TUBGCP3: variants seen among roughly 807,000 people sequenced by gnomAD.
TUBGCP3 encodes tubulin gamma complex component 3.
TUBGCP3 carries 50 observed loss-of-function variants against 123.1 expected under a neutral mutation model. The observed-to-expected ratio is 0.41, with a 90% confidence interval of 0.32 to 0.51. The LOEUF (loss-of-function observed/expected upper bound fraction) is 0.51. Ranked by LOEUF, TUBGCP3 falls within the 20% of genes least tolerant of loss-of-function variation. The pLI is 0.36. For synonymous variants in TUBGCP3, 405 were observed against 413.9 expected, an observed-to-expected ratio of 0.98 and a Z score of 0.26; for missense variants, 882 against 1,127.0, an observed-to-expected ratio of 0.78 and a Z score of 3.11.
the TUBGCP3 span, among the ~76,000 whole-genome samples, chr13:112,594,503 G>A: frequency 2.6e-5 from 4 of 152,140 alleles, no homozygotes; most frequent in African/African-American, 2.4e-5. Context: ...TAAACCTGCA[G>A]CTATCTAAGT....
At chr13:112,520,108 T>C in intron 14 of TUBGCP3, 87 bp from the exon 15 acceptor site, 1 of 1,330,024 alleles carries the variant, frequency 7.5e-7, no homozygotes, top group Admixed American at 2.4e-5. Context: ...AAAGTAAGAG[T>C]TCAAATTATA....
In TUBGCP3 at chr13:112,541,946, A is replaced by G. The variant is rs548082389; in HGVS notation, c.1335+3753T>C. ...TAAACTTTCTCCTTTTTATAATCCT[A>G]ATTTTTAAAGATTGCCTTAAAATAT... is the stretch of plus-strand genomic sequence containing the variant. On this transcript the variant is annotated intron_variant, in intron 11 of 21. Coordinates refer to ENST00000261965, the MANE Select transcript of TUBGCP3 (RefSeq NM_006322.6). 3.3e-5 allele frequency among the ~76,000 whole-genome samples: 5 copies of G among 152,332 alleles called. No individual in the cohort carries two copies. The East Asian group carries it at 7.7e-4, about 23-fold the overall frequency.
In TUBGCP3 at chr13:112,504,132, T is replaced by A. The variant is rs1566537023; in HGVS notation, c.2207A>T (p.Asn736Ile). 6.2e-7 allele frequency: 1 copy of A among 1,614,164 alleles called. No individual in the cohort carries two copies. Among genetic ancestry groups the A allele is most frequent in the Non-Finnish European group, 8.5e-7 (1 of 1,180,030 alleles). ...VLECSWDELWNKVQQAQDLDH... is the reference protein window; with the variant it reads ...VLECSWDELWIKVQQAQDLDH... ...CAAATCCTGGGCCTGCTGGACTTTGTTCCAAAGCTCATCCCAAGAACATTC... is the reference window on the plus strand; with the variant it reads ...CAAATCCTGGGCCTGCTGGACTTTGATCCAAAGCTCATCCCAAGAACATTC... Residue 736 changes from asparagine (N) to isoleucine (I), a missense_variant, in exon 19 of 22, where the codon AAC becomes ATC. Physicochemically the swap from Asn to Ile is moderately radical, Grantham distance 149. Coordinates refer to ENST00000261965, the MANE Select transcript of TUBGCP3 (RefSeq NM_006322.6).
upstream of TUBGCP3, among the ~76,000 whole-genome samples, chr13:112,588,567 C>A (rs958316082): frequency 2.0e-5 from 3 of 152,190 alleles, no homozygotes; most frequent in African/African-American, 4.8e-5. Flanking sequence ...CAACAGGCGC[C>A]CTGCTCAGGC....
intron 18 of TUBGCP3, 31 bp from the exon 19 acceptor site, chr13:112,504,194 A>G (rs747594842): frequency 8.1e-6 from 13 of 1,613,748 alleles, no homozygotes; most frequent in South Asian, 2.2e-5. Flanking sequence ...GACGCTAGAT[A>G]AGCTCATGTC....
At chr13:112,592,021 G>A (rs1314879418), upstream of TUBGCP3, among the ~76,000 whole-genome samples, 3 of 152,276 alleles carry the variant, frequency 2.0e-5, no homozygotes, top group East Asian at 5.8e-4. This position sits in a 1 kb window ranked among gnomAD's most constrained non-coding sequence, Gnocchi z 4.1. Context: ...GTGTTACAGA[G>A]TCCTGGCTGG....
At chr13:112,499,971 A>AAAT (rs1196119144) in intron 19 of TUBGCP3, among the ~76,000 whole-genome samples, 1 of 152,236 alleles carries the variant, frequency 6.6e-6, no homozygotes. Flanking sequence ...CAAATACATT[A>AAAT]AAGCTGATGC....
intron 3 of TUBGCP3, among the ~76,000 whole-genome samples, chr13:112,559,978 C>G (rs368766767): frequency 2.9e-4 from 44 of 151,968 alleles, no homozygotes; most frequent in African/African-American, 1.0e-3. Flanking sequence ...CTACTAAAAA[C>G]ACAAAATTAG....
chr13:112,578,742 AG>A (rs1330464275), intron 1 of TUBGCP3, among the ~76,000 whole-genome samples: 1 of 152,042 alleles, frequency 6.6e-6, no homozygotes, highest in Non-Finnish European at 1.5e-5. Flanking sequence ...TCCAGAGCTC[AG>A]GGCCTTCACA....
In TUBGCP3 at chr13:112,504,121, G is replaced by A. The variant is rs1302974827; in HGVS notation, c.2218C>T (p.Gln740Ter). The A allele has an allele frequency of 6.2e-7, 1 of 1,614,154 alleles. No individual in the cohort carries two copies. Among genetic ancestry groups the A allele is most frequent in the Non-Finnish European group, 8.5e-7 (1 of 1,180,030 alleles). ...ATGATGTGATCCAAATCCTGGGCCTGCTGGACTTTGTTCCAAAGCTCATCC... is the reference window on the plus strand; with the variant it reads ...ATGATGTGATCCAAATCCTGGGCCTACTGGACTTTGTTCCAAAGCTCATCC... ...SWDELWNKVQ[Q>*]AQDLDHIIAA... Residue 740 changes from glutamine to a stop codon, truncating the protein, a stop_gained, in exon 19 of 22, where the codon CAG becomes TAG. Transcript: ENST00000261965. LOFTEE classifies it high-confidence loss of function.
At chr13:112,581,428 A>T (rs1308549801) in intron 1 of TUBGCP3, among the ~76,000 whole-genome samples, 1 of 151,918 alleles carries the variant, frequency 6.6e-6, no homozygotes, top group Non-Finnish European at 1.5e-5. Flanking sequence ...AGTTTCCTTT[A>T]AAAGTTGTGT....
At chr13:112,574,236 A>C (rs540576366) in intron 1 of TUBGCP3, among the ~76,000 whole-genome samples, 1 of 148,614 alleles carries the variant, frequency 6.7e-6, no homozygotes, top group East Asian at 2.0e-4. Flanking sequence ...ATCCACAAAG[A>C]ATCTTCAAGT....
At chr13:112,578,329 G>A (rs1157300307) in intron 1 of TUBGCP3, among the ~76,000 whole-genome samples, 5 of 151,780 alleles carry the variant, frequency 3.3e-5, no homozygotes, top group Non-Finnish European at 5.9e-5. Flanking sequence ...GGAGGCCGAG[G>A]CGGGCGGATC....
At chr13:112,570,465 G>T (rs1157987785) in intron 1 of TUBGCP3, among the ~76,000 whole-genome samples, 1 of 152,160 alleles carries the variant, frequency 6.6e-6, no homozygotes, top group Non-Finnish European at 1.5e-5. Flanking sequence ...ATATACTGTG[G>T]TCTGTTAAGT....
chr13:112,538,477 TC>T (rs1301506589), intron 11 of TUBGCP3, among the ~76,000 whole-genome samples: 1 of 152,194 alleles, frequency 6.6e-6, no homozygotes, highest in Non-Finnish European at 1.5e-5. Flanking sequence ...TCATTTTCCT[TC>T]CCTCTTTTAA....
At chr13:112,523,303 T>C (rs1274718643) in intron 13 of TUBGCP3, among the ~76,000 whole-genome samples, 2 of 152,248 alleles carry the variant, frequency 1.3e-5, no homozygotes, top group African/African-American at 4.8e-5. Flanking sequence ...CGAGATCTTC[T>C]GATTCAGAGT....
chr13:112,504,254 G>A (rs1020390876), intron 18 of TUBGCP3, 91 bp from the exon 19 acceptor site: 117 of 1,498,384 alleles, frequency 7.8e-5, no homozygotes, highest in African/African-American at 1.7e-4. Flanking sequence ...ATGGGAGGCC[G>A]AGGCGGGCAG....
At chr13:112,602,305 G>A in the TUBGCP3 span, among the ~76,000 whole-genome samples, 1 of 152,314 alleles carries the variant, frequency 6.6e-6, no homozygotes, top group Middle Eastern at 3.4e-3. Flanking sequence ...AGAAGTTAAT[G>A]AGTTTCCGGA....
At chr13:112,540,212 T>C (rs1878401817) in intron 11 of TUBGCP3, among the ~76,000 whole-genome samples, 1 of 145,260 alleles carries the variant, frequency 6.9e-6, no homozygotes, top group Non-Finnish European at 1.5e-5. Flanking sequence ...GACGTCAATG[T>C]AGTAGCCTAT....
Sources: allele counts gnomAD v4.1 joint callset (sites outside exome capture counted in the v4.1 genomes callset), GRCh38; gene constraint gnomAD v4.1.1; non-coding constraint Gnocchi (gnomAD v3.1); transcripts MANE v1.5; gene names NCBI Gene and HGNC (gene_info 2026-07-23, HGNC 2026-07-21).